Variants in LARP4B observed in about 807,000 individuals in gnomAD.
LARP4B encodes La ribonucleoprotein 4B.
In LARP4B, 12 loss-of-function variants were observed where a neutral mutation model predicts 89.8. The ratio of observed to expected loss-of-function variants is 0.13; its 90% CI spans 0.09 to 0.22. The LOEUF is 0.22. Ranked by LOEUF, LARP4B falls within the 10% of genes least tolerant of loss-of-function variation. LARP4B has a pLI of 1.00. For synonymous variants in LARP4B, 367 were observed against 363.3 expected (o/e 1.01, Z -0.12); for missense variants, 757 against 947.7 (o/e 0.80, Z 2.64).
chr10:931,263 A>ACCCGGCCCCGGCCTTCCCCTGC (rs1346589672), intron 1 of LARP4B, among the ~76,000 whole-genome samples, 165 bp downstream of exon 1: 3 of 78,706 alleles, frequency 3.8e-5, no homozygotes, highest in Admixed American at 1.2e-4. Flanking sequence ...GTCCTCCTCA[A>ACCCGGCCCCGGCCTTCCCCTGC]CCCGGCCCCG....
the LARP4B span, chr10:972,541 T>C: frequency 1.5e-5 from 7 of 457,102 alleles, no homozygotes; most frequent in Non-Finnish European, 2.2e-5. Flanking sequence ...TGTCCACTCA[T>C]GTAGAAGCCA....
At chr10:905,874 A>G (rs1455543605) in intron 1 of LARP4B, among the ~76,000 whole-genome samples, 1 of 152,198 alleles carries the variant, frequency 6.6e-6, no homozygotes, top group Non-Finnish European at 1.5e-5. Context: ...CTCACAGCAC[A>G]GTGGAACAGA....
intron 3 of LARP4B, among the ~76,000 whole-genome samples, chr10:868,359 T>G (rs1835021773): frequency 6.8e-6 from 1 of 146,106 alleles, no homozygotes; most frequent in African/African-American, 2.5e-5. Flanking sequence ...GAGTAATAGC[T>G]GCTATATTAA....
intron 1 of LARP4B, among the ~76,000 whole-genome samples, chr10:906,652 C>T (rs182671848): frequency 1.3e-5 from 2 of 152,218 alleles, no homozygotes; most frequent in Non-Finnish European, 2.9e-5. Context: ...AGTTTCAGCA[C>T]AAAATTATCT....
intron 3 of LARP4B, among the ~76,000 whole-genome samples, chr10:875,844 C>T (rs1835431619): frequency 6.6e-6 from 1 of 152,168 alleles, no homozygotes; most frequent in Non-Finnish European, 1.5e-5. Flanking sequence ...ATGAAAAACA[C>T]AGCATTCCAT....
intron 11 of LARP4B, among the ~76,000 whole-genome samples, chr10:827,192 C>A (rs991371622): frequency 1.3e-5 from 2 of 152,042 alleles, no homozygotes; most frequent in Non-Finnish European, 2.9e-5. Context: ...AGGAGAATGG[C>A]GTGAACCCGG....
the LARP4B span, among the ~76,000 whole-genome samples, chr10:981,907 C>T: frequency 3.9e-5 from 6 of 152,108 alleles, no homozygotes; most frequent in African/African-American, 1.2e-4. Flanking sequence ...CCCTAGCTGA[C>T]CATGTAAAAG....
intron 3 of LARP4B, among the ~76,000 whole-genome samples, chr10:878,401 C>T (rs1392382769): frequency 2.6e-5 from 4 of 152,154 alleles, no homozygotes; most frequent in Non-Finnish European, 4.4e-5. Flanking sequence ...AATGAAGCAG[C>T]CTGACCATCT....
chr10:902,921 G>A (rs2131992401), intron 1 of LARP4B, among the ~76,000 whole-genome samples: 1 of 152,298 alleles, frequency 6.6e-6, no homozygotes, highest in East Asian at 1.9e-4. Context: ...GGGATTACCG[G>A]TGTGAGCCAC....
intron 1 of LARP4B, among the ~76,000 whole-genome samples, chr10:918,706 A>C (rs1836894567): frequency 6.6e-6 from 1 of 151,664 alleles, no homozygotes. Flanking sequence ...TATCACTTCC[A>C]ATGATTCTGA....
At chr10:827,684 G>GA (rs1018080093) in intron 11 of LARP4B, among the ~76,000 whole-genome samples, 16 of 152,200 alleles carry the variant, frequency 1.1e-4, no homozygotes, top group African/African-American at 3.6e-4. Flanking sequence ...AAGGATCCCC[G>GA]AGAGGGTCAA....
At chr10:987,319 T>C in the LARP4B span, 1 of 152,208 alleles carries the variant, frequency 6.6e-6, no homozygotes, top group Non-Finnish European at 1.5e-5. Flanking sequence ...ATTTTCAATA[T>C]TGGAATGCTG....
intron 1 of LARP4B, among the ~76,000 whole-genome samples, chr10:926,897 G>A (rs970071932): frequency 3.3e-5 from 5 of 152,170 alleles, no homozygotes; most frequent in African/African-American, 7.2e-5. Flanking sequence ...TTAGCCGGGC[G>A]TGGTGGCACG....
At chr10:807,504 C>G (rs929288175), downstream of LARP4B, 22 of 152,456 alleles carry the variant, frequency 1.4e-4, no homozygotes, top group African/African-American at 5.3e-4. Context: ...CTGATCTGCC[C>G]CAGGGCCTGG....
intron 15 of LARP4B, among the ~76,000 whole-genome samples, chr10:816,234 A>C (rs1832049038): frequency 6.6e-6 from 1 of 152,242 alleles, no homozygotes; most frequent in Non-Finnish European, 1.5e-5. Flanking sequence ...ATCTTAAATA[A>C]ACAAATTAAC....
chr10:936,528 T>C (rs1429243641), upstream of LARP4B, among the ~76,000 whole-genome samples: 1 of 152,164 alleles, frequency 6.6e-6, no homozygotes, highest in Admixed American at 6.5e-5. Flanking sequence ...GAGACCAGCC[T>C]GGCCAACATG....
the LARP4B span, among the ~76,000 whole-genome samples, chr10:969,882 T>C: frequency 1.3e-5 from 2 of 152,168 alleles, no homozygotes; most frequent in African/African-American, 4.8e-5. Flanking sequence ...GTGACCTGCA[T>C]GCCCACATGG....
chr10:892,544 A>ATT (rs548058626), intron 1 of LARP4B, among the ~76,000 whole-genome samples: 28 of 146,966 alleles, frequency 1.9e-4, no homozygotes, highest in African/African-American at 6.2e-4. Flanking sequence ...ATTATCGTTA[A>ATT]TTTTTTTTTT....
intron 1 of LARP4B, among the ~76,000 whole-genome samples, chr10:910,213 G>C (rs1836630257): frequency 6.7e-6 from 1 of 148,548 alleles, no homozygotes; most frequent in East Asian, 1.9e-4. Context: ...CTCAGGAACT[G>C]CCTTTTTTCC....
Sources: gnomAD v4.1 joint callset for allele counts (sites outside exome capture counted in the v4.1 genomes callset) on GRCh38, gnomAD v4.1.1 for gene constraint, MANE v1.5 for transcripts, NCBI Gene and HGNC (gene_info 2026-07-23, HGNC 2026-07-21) for gene names.